Variants in CFAP69 observed in about 807,000 individuals in gnomAD.
CFAP69 encodes cilia- and flagella-associated protein 69.
CFAP69 carries 92 observed loss-of-function variants against 123.0 expected under a neutral mutation model. The ratio of observed to expected loss-of-function variants is 0.75; its 90% confidence interval spans 0.63 to 0.89. The LOEUF (loss-of-function observed/expected upper bound fraction) is 0.89. Ranked by LOEUF, CFAP69 falls within the 40% of genes least tolerant of loss-of-function variation. The probability of loss-of-function intolerance (pLI) is 0.00; values close to 1 mark genes in which losing one functional copy is unlikely to be tolerated. For synonymous variants in CFAP69, 380 were observed against 364.3 expected (o/e 1.04, Z -0.49); for missense variants, 1,067 against 1,096.9 (o/e 0.97, Z 0.39).
In CFAP69 at chr7:90,283,886, C is replaced by CAAT. The variant is rs1043101554; in HGVS notation, c.1537+847_1537+849dup. ...ACTAGTGGAGTGGAGTGGTGCTCTC[C>CAAT]AATAATAATAATAATAATATAGGAA... On this transcript the variant is annotated intron_variant, in intron 13 of 22. Coordinates refer to ENST00000389297, the MANE Select transcript of CFAP69 (RefSeq NM_001039706.3). Among the ~76,000 whole-genome samples the CAAT allele has an allele frequency of 1.3e-4, 19 of 151,444 alleles. No homozygotes were observed. In the East Asian group the frequency reaches 2.1e-3, roughly 17 times the overall value.
intron 4 of CFAP69, among the ~76,000 whole-genome samples, chr7:90,263,928 A>T (rs1798682817): frequency 6.6e-6 from 1 of 151,234 alleles, no homozygotes; most frequent in Non-Finnish European, 1.5e-5. Context: ...ATCTCTATTA[A>T]AAATGCAAAA....
rs1797868076 is a variant in CFAP69 at position 90,258,101 on chromosome 7, G to A, written c.184G>A (p.Gly62Ser). ...IKLLEETDKD[G>S]LEEKQLKFVK... ...TAAAATAGGTGATCTGTTTTAGGAT[G>A]GCTTGGAAGAAAAACAACTTAAATT... Residue 62 changes from glycine to serine, a missense_variant, in exon 3 of 23, where the codon GGC (glycine) becomes AGC (serine). Physicochemically the swap from Gly to Ser is moderately conservative, Grantham distance 56. Transcript: ENST00000389297. The A allele has an allele frequency of 6.2e-7, 1 of 1,610,630 alleles. No individual in the cohort carries two copies. Among genetic ancestry groups the A allele is most frequent in the South Asian group, 1.1e-5 (1 of 90,600 alleles).
At chr7:90,272,102 A>G (rs975821959) in intron 8 of CFAP69, 144 bp downstream of exon 8, 18 of 738,512 alleles carry the variant, frequency 2.4e-5, no homozygotes, top group Non-Finnish European at 3.5e-5. Flanking sequence ...TTTTTGTTCC[A>G]TGGTATAAAT....
At chr7:90,286,161 TAAATA>T in intron 13 of CFAP69, 115 bp from the exon 14 acceptor site, 4 of 749,156 alleles carry the variant, frequency 5.3e-6, no homozygotes, top group East Asian at 3.0e-5. Context: ...AATAAATAAG[TAAATA>T]AAATAAAAGT....
chr7:90,267,893 A>T (rs1291817308), intron 5 of CFAP69, among the ~76,000 whole-genome samples: 1 of 152,202 alleles, frequency 6.6e-6, no homozygotes, highest in Non-Finnish European at 1.5e-5. Flanking sequence ...TCCTCACAAC[A>T]ATCTTAAATG....
chr7:90,314,835 G>A, downstream of CFAP69, among the ~76,000 whole-genome samples: 1 of 151,700 alleles, frequency 6.6e-6, no homozygotes, highest in African/African-American at 2.4e-5. Flanking sequence ...TCATCATCTA[G>A]CATTAGGTAT....
At chr7:90,297,391 T>C (rs1404611697) in intron 15 of CFAP69, among the ~76,000 whole-genome samples, 2 of 152,174 alleles carry the variant, frequency 1.3e-5, no homozygotes, top group African/African-American at 4.8e-5. Flanking sequence ...GCTTAGAATT[T>C]TATTTTTGGT....
chr7:90,311,245 C>A (rs1056512027), downstream of CFAP69, among the ~76,000 whole-genome samples: 8 of 152,262 alleles, frequency 5.3e-5, no homozygotes, highest in African/African-American at 1.7e-4. Flanking sequence ...ATTCCCTTCA[C>A]ACCCCTCCTC....
intron 15 of CFAP69, among the ~76,000 whole-genome samples, chr7:90,289,833 T>C (rs2097964919): frequency 6.6e-6 from 1 of 152,220 alleles, no homozygotes. Flanking sequence ...TTACTTTTTT[T>C]GTATGGTTGT....
At chr7:90,250,583 G>A (rs11563376) in intron 1 of CFAP69, among the ~76,000 whole-genome samples, 1 of 152,274 alleles carries the variant, frequency 6.6e-6, no homozygotes, top group Admixed American at 6.5e-5. Context: ...AAGTCTGATT[G>A]TCTTCAAAGC....
At position 90,271,640 on chromosome 7, in the gene CFAP69, G is replaced by C. The variant is rs1355278372; in HGVS notation, c.647G>C (p.Trp216Ser). The C allele has an allele frequency of 1.9e-6, 3 of 1,613,472 alleles. No individual in the cohort carries two copies. The highest frequency in any genetic ancestry group is 2.5e-6 in the Non-Finnish European group (3 of 1,179,592). The change falls in exon 7 of 23, where the codon TGG (tryptophan) becomes TCG (serine). Residue 216 changes from tryptophan (W) to serine (S), a missense_variant. Transcript: ENST00000389297. The part of the protein sequence containing the change: ...LLENQLVEKL[W>S]VLKVLQHLST... ...GAAAATCAACTTGTTGAGAAACTTTGGGTACTTAAAGTTCTGCAGCATCTC... is the reference window on the plus strand; with the variant it reads ...GAAAATCAACTTGTTGAGAAACTTTCGGTACTTAAAGTTCTGCAGCATCTC...
At chr7:90,279,514 T>C (rs988687258) in intron 11 of CFAP69, among the ~76,000 whole-genome samples, 163 bp from the exon 12 acceptor site, 3 of 151,348 alleles carry the variant, frequency 2.0e-5, no homozygotes, top group African/African-American at 7.3e-5. Flanking sequence ...TATTTAATTT[T>C]TGGTGTTTTT....
downstream of CFAP69, among the ~76,000 whole-genome samples, chr7:90,313,282 C>G (rs1794478648): frequency 6.6e-6 from 1 of 152,218 alleles, no homozygotes; most frequent in South Asian, 2.1e-4. Context: ...TGTAGTTCCT[C>G]TCATTTTTAC....
At position 90,310,514 on chromosome 7, in the gene CFAP69, G is replaced by A. The variant is rs183495723; in HGVS notation, c.*276G>A. The A allele has an allele frequency of 4.3e-4, 82 of 192,918 alleles. No homozygotes were observed. The highest frequency in any genetic ancestry group is 4.6e-3 in the Middle Eastern group (2 of 438). 12.0% of individuals were successfully genotyped at this position (192,918 alleles called of 1,614,324 possible). Reference sequence around the variant, plus strand: ...TCAGTTAGGACTCTGTTGGTTGCATGTGAACTATTCTAACTAGTTTAAGTC... The same window carrying A: ...TCAGTTAGGACTCTGTTGGTTGCATATGAACTATTCTAACTAGTTTAAGTC... On this transcript the variant is annotated 3_prime_UTR_variant, in exon 23 of 23. Coordinates refer to ENST00000389297, the MANE Select transcript of CFAP69 (RefSeq NM_001039706.3).
intron 18 of CFAP69, 60 bp from the exon 19 acceptor site, chr7:90,304,684 T>C (rs554452456): frequency 2.1e-6 from 3 of 1,409,128 alleles, no homozygotes; most frequent in Admixed American, 2.3e-5. Context: ...GATAGATAGA[T>C]AGATTCTTAG....
chr7:90,288,306 G>A lies in CFAP69; in HGVS notation c.1729G>A (p.Gly577Ser). ...MKTDPRKLQS[G>S]LGYNVLLFST... ...AACAGACCCCAGGAAGTTACAGAGTGGCTTAGGCTATAATGTACTTCTTTT... is the reference window on the plus strand; with the variant it reads ...AACAGACCCCAGGAAGTTACAGAGTAGCTTAGGCTATAATGTACTTCTTTT... Residue 577 changes from glycine (G) to serine (S), a missense_variant, in exon 15 of 23, where the codon GGC becomes AGC. Transcript: ENST00000389297. 1 of 1,612,146 alleles carries A rather than the reference G, an allele frequency of 6.2e-7. No homozygotes were observed. The highest frequency in any genetic ancestry group is 8.5e-7 in the Non-Finnish European group (1 of 1,178,672).
At chr7:90,321,246 T>C in the CFAP69 span, 8 of 152,104 alleles carry the variant, frequency 5.3e-5, no homozygotes, top group African/African-American at 1.7e-4. Flanking sequence ...TGGCTGGCAC[T>C]GGCTCACCGC....
At chr7:90,295,262 G>A (rs937688948) in intron 15 of CFAP69, among the ~76,000 whole-genome samples, 3 of 152,104 alleles carry the variant, frequency 2.0e-5, no homozygotes, top group Non-Finnish European at 2.9e-5. Flanking sequence ...ATCTTAGAAG[G>A]GATTCTAACC....
At chr7:90,250,187 G>GAGAGAGAGAGA (rs1796799293) in intron 1 of CFAP69, among the ~76,000 whole-genome samples, 1 of 125,728 alleles carries the variant, frequency 8.0e-6, no homozygotes, top group South Asian at 2.6e-4. Flanking sequence ...TTTAAAGAGA[G>GAGAGAGAGAGA]GAGAGAGAGA....
Sources: allele counts gnomAD v4.1 joint callset (sites outside exome capture counted in the v4.1 genomes callset), GRCh38; gene constraint gnomAD v4.1.1; transcripts MANE v1.5; gene names NCBI Gene and HGNC (gene_info 2026-07-23, HGNC 2026-07-21).